Variants in AP3B2 observed in about 807,000 individuals in gnomAD.
AP3B2 encodes AP-3 complex subunit beta-2.
A neutral mutation model predicts 126.9 loss-of-function variants in AP3B2; 50 were observed. The observed-to-expected ratio is 0.39, with a 90% confidence interval of 0.31 to 0.50. The LOEUF (loss-of-function observed/expected upper bound fraction) is 0.50. Ranked by LOEUF, AP3B2 falls within the 20% of genes least tolerant of loss-of-function variation. The pLI is 0.79. For missense variants in AP3B2, 1,177 were observed against 1,426.4 expected (o/e 0.83, Z 2.82); for synonymous variants, 541 against 565.0 (o/e 0.96, Z 0.60).
chr15:82,680,094 C>G lies in AP3B2; in HGVS notation c.1110+81G>C. 1.3e-6 allele frequency: 2 copies of G among 1,571,930 alleles called. No individual in the cohort carries two copies. The highest frequency in any genetic ancestry group is 3.5e-5 in the Admixed American group (2 of 57,092). On this transcript the variant is annotated intron_variant, in intron 9 of 26. Transcript: ENST00000535359. This position sits in a 1 kb window ranked among gnomAD's most constrained non-coding sequence, Gnocchi z 6.1. ...CCTCCATCTTCCCTTTCCCCGGCCC[C>G]GGTCCCAGCCCCGACAACGCCTCCA... is the stretch of plus-strand genomic sequence containing the variant.
intron 4 of AP3B2, chr15:82,685,440 T>G (rs2151445720): frequency 6.6e-6 from 1 of 152,326 alleles, no homozygotes; most frequent in African/African-American, 2.4e-5. Flanking sequence ...TTACCCTGAC[T>G]TTCTGAAATG....
intron 1 of AP3B2, chr15:82,692,013 C>CCTG: frequency 6.8e-7 from 1 of 1,464,994 alleles, no homozygotes; most frequent in Non-Finnish European, 9.5e-7. Context: ...TCCTTCAGGT[C>CCTG]CTGCCAGCTG....
chr15:82,695,488 A>C (rs182979267), intron 1 of AP3B2, among the ~76,000 whole-genome samples: 11 of 152,138 alleles, frequency 7.2e-5, no homozygotes, highest in Middle Eastern at 3.4e-3. Context: ...CAAAGATGCG[A>C]TCAATCATGA....
rs370815736 is a variant in AP3B2, at chr15:82,689,150, G to T, written c.264+8C>A. 106 of 1,613,612 alleles carry T rather than the reference G, an allele frequency of 6.6e-5. No homozygotes were observed. The African/African-American group carries it at 1.3e-3, about 20-fold the overall frequency. ...GGGACAAGCAATCCCTCACCAGGTA[G>T]TGCTCACCTCTATGTTCTTACAGGC... On this transcript the variant is annotated splice_region_variant and intron_variant, in intron 3 of 26. Transcript: ENST00000535359.
intron 4 of AP3B2, chr15:82,688,002 C>G (rs1424337887): frequency 6.3e-6 from 1 of 158,540 alleles, no homozygotes; most frequent in African/African-American, 2.4e-5. Context: ...ACTCAGGAGA[C>G]AGAGGTGGGA....
At chr15:82,662,285 G>T in intron 23 of AP3B2, 33 bp from the exon 24 acceptor site, 2 of 1,514,472 alleles carry the variant, frequency 1.3e-6, no homozygotes, top group Non-Finnish European at 1.8e-6. Context: ...AGGGGAGAGG[G>T]AGGGCCACCA....
chr15:82,678,252 C>A, intron 10 of AP3B2, 85 bp from the exon 11 acceptor site: 1 of 1,294,690 alleles, frequency 7.7e-7, no homozygotes, highest in South Asian at 1.2e-5. Context: ...CTTCATAGAC[C>A]AGAAAACAAT....
Position 82,664,618 on chromosome 15 carries a change from A to G in AP3B2, c.2138-128T>C. The G allele has an allele frequency of 7.8e-7, 1 of 1,274,380 alleles. No homozygotes were observed. The highest frequency in any genetic ancestry group is 1.1e-6 in the Non-Finnish European group (1 of 920,936). The allele number at this position is 1,274,380 out of a possible 1,614,324, so 78.9% of individuals were successfully genotyped here. On this transcript the variant is annotated intron_variant, in intron 18 of 26. Coordinates refer to ENST00000535359, the MANE Select transcript of AP3B2 (RefSeq NM_001278512.2). The surrounding 1 kb of genome is among the most constrained non-coding windows in gnomAD (Gnocchi z 4.5). ...ACCTCTCTGACCTGCCCCCAGCCCT[A>G]CATGCCAGCTGGAACTGACAGAAAC...
In AP3B2 at chr15:82,663,242, G is replaced by A. The variant is rs1166896384; in HGVS notation, c.2498-9C>T. ...GACACTGGGAGGGGTGACTGTGGGA[G>A]TAGATAAGACTATGAGGAGGCAAAG... On this transcript the variant is annotated splice_polypyrimidine_tract_variant and intron_variant, in intron 21 of 26. Coordinates refer to ENST00000535359, the MANE Select transcript of AP3B2 (RefSeq NM_001278512.2). 2 of 1,605,818 alleles carry A rather than the reference G, an allele frequency of 1.2e-6. No homozygotes were observed. Among genetic ancestry groups the A allele is most frequent in the Admixed American group, 1.7e-5 (1 of 59,618 alleles).
intron 1 of AP3B2, among the ~76,000 whole-genome samples, chr15:82,699,405 C>A (rs186440865): frequency 3.3e-5 from 5 of 152,278 alleles, no homozygotes; most frequent in African/African-American, 1.2e-4. Context: ...TACTATCCTC[C>A]TCCCCTCAGA....
In AP3B2 at chr15:82,681,107, C is replaced by T. The variant is rs2048332971; in HGVS notation, c.588+5G>A. The T allele has an allele frequency of 6.2e-7, 1 of 1,613,510 alleles. No homozygotes were observed. The highest frequency in any genetic ancestry group is 1.1e-5 in the South Asian group (1 of 91,014). On this transcript the variant is annotated splice_donor_5th_base_variant and intron_variant, in intron 6 of 26. Transcript: ENST00000535359. The surrounding 1 kb of genome is among the most constrained non-coding windows in gnomAD (Gnocchi z 4.0). ...ACCCCTCCCGGAGCGCCCCTATACA[C>T]GCACCGTGGTCTTGTCAGCCAGAAG...
At position 82,664,765 on chromosome 15, in the gene AP3B2, C is replaced by T. The variant is rs1183298539; in HGVS notation, c.2137+70G>A. On this transcript the variant is annotated intron_variant, in intron 18 of 26. Coordinates refer to ENST00000535359, the MANE Select transcript of AP3B2 (RefSeq NM_001278512.2). The surrounding 1 kb of genome is among the most constrained non-coding windows in gnomAD (Gnocchi z 4.5). ...CTAGACACACAACCATATACATATA[C>T]CCCTCATATAGTCAGTCACACAGAT... 8.2e-7 allele frequency: 1 copy of T among 1,218,566 alleles called. No individual in the cohort carries two copies. The highest frequency in any genetic ancestry group is 1.2e-6 in the Non-Finnish European group (1 of 853,258). 75.5% of individuals were successfully genotyped at this position (1,218,566 alleles called of 1,614,324 possible).
intron 10 of AP3B2, among the ~76,000 whole-genome samples, chr15:82,678,425 C>A (rs148424120): frequency 2.0e-5 from 3 of 152,264 alleles, no homozygotes; most frequent in Non-Finnish European, 4.4e-5. Context: ...AAACTTAAAG[C>A]TTCCTATTGC....
At chr15:82,677,474 G>T in intron 12 of AP3B2, 91 bp from the exon 13 acceptor site, 1 of 1,400,464 alleles carries the variant, frequency 7.1e-7, no homozygotes, top group Non-Finnish European at 9.9e-7. Flanking sequence ...CAGGCCCTTG[G>T]CTCTTTCTCT....
chr15:82,699,818 A>G, intron 1 of AP3B2: 1 of 399,506 alleles, frequency 2.5e-6, no homozygotes, highest in Non-Finnish European at 4.4e-6. Flanking sequence ...TCAGCTCCGC[A>G]GGCCCCTCTG....
intron 14 of AP3B2, 39 bp from the exon 15 acceptor site, chr15:82,666,972 A>T (rs781509161): frequency 1.6e-5 from 25 of 1,581,268 alleles, no homozygotes; most frequent in Non-Finnish European, 2.1e-5. Context: ...TGACGGGGGG[A>T]TGGGGACACA....
intron 14 of AP3B2, among the ~76,000 whole-genome samples, chr15:82,670,078 A>T (rs1257831862): frequency 7.2e-6 from 1 of 138,474 alleles, no homozygotes; most frequent in Non-Finnish European, 1.5e-5. Context: ...CCAAAAAAAA[A>T]AAAAAAAAAA....
Position 82,664,549 on chromosome 15 carries a change from C to A in AP3B2, c.2138-59G>T, listed in dbSNP as rs900225480. The A allele has an allele frequency of 3.2e-6, 5 of 1,563,424 alleles. No homozygotes were observed. In the African/African-American group the frequency reaches 6.8e-5, roughly 21 times the overall value. On this transcript the variant is annotated intron_variant, in intron 18 of 26. Coordinates refer to ENST00000535359, the MANE Select transcript of AP3B2 (RefSeq NM_001278512.2). The surrounding 1 kb of genome is among the most constrained non-coding windows in gnomAD (Gnocchi z 4.5). Reference sequence around the variant, plus strand: ...TATGCAGGCCTCCTTGGGTCTGGAGCAGACACCTGGGTTCCACCTTCACAT... The same window carrying A: ...TATGCAGGCCTCCTTGGGTCTGGAGAAGACACCTGGGTTCCACCTTCACAT...
chr15:82,709,007 G>C (rs949970873), intron 1 of AP3B2, among the ~76,000 whole-genome samples: 4 of 152,154 alleles, frequency 2.6e-5, no homozygotes, highest in Non-Finnish European at 4.4e-5. Context: ...AACAAATGAA[G>C]AAACAAACGA....
Sources: allele counts gnomAD v4.1 joint callset (sites outside exome capture counted in the v4.1 genomes callset), GRCh38; gene constraint gnomAD v4.1.1; non-coding constraint Gnocchi (gnomAD v3.1); transcripts MANE v1.5; gene names NCBI Gene and HGNC (gene_info 2026-07-23, HGNC 2026-07-21).